The following DCHS2 variants were observed in gnomAD, a reference collection of about 807,000 sequenced individuals.
DCHS2 encodes the protein dachsous cadherin-related 2.
A neutral mutation model predicts 182.4 loss-of-function variants in DCHS2; 142 were observed. The observed-to-expected ratio is 0.78, with a 90% CI of 0.68 to 0.89. DCHS2 has a LOEUF of 0.89. DCHS2 is among the 40% of genes least tolerant of loss of function. The pLI is 0.00. For synonymous variants in DCHS2, 1,740 were observed against 1,663.3 expected (o/e 1.05, Z -1.12); for missense variants, 4,319 against 4,198.6 (o/e 1.03, Z -0.79).
In DCHS2 at chr4:154,242,680, G is replaced by A. The variant is rs775122805; in HGVS notation, c.7034C>T (p.Pro2345Leu). 5 of 1,612,804 alleles carry A rather than the reference G, an allele frequency of 3.1e-6. No homozygotes were observed. The highest frequency in any genetic ancestry group is 3.4e-6 in the Non-Finnish European group (4 of 1,179,312). Residue 2345 changes from proline to leucine, a missense_variant, in exon 17 of 20, where the codon CCA becomes CTA. Transcript: ENST00000357232. ...CACTGCTTCAGAGGGGAGAAAAGCT[G>A]GGGCATTGTCATTTATATCAGTCAC... is the stretch of plus-strand genomic sequence containing the variant. ...VQVTDINDNAPAFLPSEAVEI... is the reference protein window; with the variant it reads ...VQVTDINDNALAFLPSEAVEI...
intron 1 of DCHS2, among the ~76,000 whole-genome samples, chr4:154,396,411 G>A (rs756809817): frequency 6.6e-6 from 1 of 152,080 alleles, no homozygotes; most frequent in Admixed American, 6.6e-5. Context: ...ATGCAAGGGT[G>A]GAGTATGAAT....
chr4:154,255,460 A>G lies in DCHS2; in HGVS notation c.6941+59T>C, dbSNP rs896353965. On this transcript the variant is annotated intron_variant, in intron 16 of 19. Coordinates refer to ENST00000357232, the MANE Select transcript of DCHS2 (RefSeq NM_001358235.2). The stretch of plus-strand genomic sequence containing the variant: ...AACAGGAAGTTATGAACAAAACAGC[A>G]ATGTTGTCAGTAAGCAGGCAGAATA... 5.9e-5 allele frequency: 91 copies of G among 1,553,164 alleles called. 1 individual carries two copies. Among genetic ancestry groups the G allele is most frequent in the Middle Eastern group, 5.1e-4 (3 of 5,832 alleles).
At chr4:154,403,136 A>T (rs1260259152) in intron 1 of DCHS2, among the ~76,000 whole-genome samples, 1 of 152,052 alleles carries the variant, frequency 6.6e-6, no homozygotes, top group African/African-American at 2.4e-5. Flanking sequence ...TATCCTTTCC[A>T]ATATTTTGCC....
intron 3 of DCHS2, among the ~76,000 whole-genome samples, chr4:154,356,868 T>C (rs889159975): frequency 6.6e-6 from 1 of 152,122 alleles, no homozygotes; most frequent in Non-Finnish European, 1.5e-5. Context: ...TAAAATTAAA[T>C]ATAAAGGACC....
At chr4:154,324,968 A>T (rs11734237) in intron 7 of DCHS2, among the ~76,000 whole-genome samples, 40,727 of 152,122 alleles carry the variant, frequency 0.27, 6,473 homozygotes, top group South Asian at 0.36. Context: ...GATAAAAAAT[A>T]AAGATGGGAA....
intron 3 of DCHS2, among the ~76,000 whole-genome samples, chr4:154,365,902 C>G (rs949552009): frequency 2.0e-5 from 3 of 151,796 alleles, no homozygotes; most frequent in African/African-American, 7.3e-5. Flanking sequence ...CCCACCTCGG[C>G]CCCCCAAAGT....
At chr4:154,261,299 A>G (rs1357255694) in intron 14 of DCHS2, among the ~76,000 whole-genome samples, 2 of 152,248 alleles carry the variant, frequency 1.3e-5, no homozygotes, top group African/African-American at 2.4e-5. Flanking sequence ...AGCAAGTGAC[A>G]TAACGCATAT....
At chr4:154,331,445 T>C in intron 5 of DCHS2, 1 of 842,474 alleles carries the variant, frequency 1.2e-6, no homozygotes, top group Non-Finnish European at 1.7e-6. Flanking sequence ...AGCAGGGTCA[T>C]CCCATATAGC....
At chr4:154,308,244 T>A (rs1735528183) in intron 10 of DCHS2, among the ~76,000 whole-genome samples, 1 of 149,704 alleles carries the variant, frequency 6.7e-6, no homozygotes, top group Admixed American at 6.7e-5. Flanking sequence ...CATATATGGC[T>A]GACCAATTTA....
chr4:154,397,324 T>G (rs1388089), intron 1 of DCHS2, among the ~76,000 whole-genome samples: 107,694 of 152,080 alleles, frequency 0.71, 39,899 homozygotes, highest in Admixed American at 0.81. Flanking sequence ...CTCTATTTCT[T>G]TTCTTAACTT....
At chr4:154,396,117 T>C (rs1467913106) in intron 1 of DCHS2, among the ~76,000 whole-genome samples, 2 of 152,202 alleles carry the variant, frequency 1.3e-5, no homozygotes, top group African/African-American at 4.8e-5. Context: ...TTTTCAGATC[T>C]GGTCTGCCTT....
At chr4:154,291,172 C>G (rs1352284999) in intron 13 of DCHS2, among the ~76,000 whole-genome samples, 1 of 151,884 alleles carries the variant, frequency 6.6e-6, no homozygotes, top group Non-Finnish European at 1.5e-5. Context: ...AAATGGCAAA[C>G]AGGTATAAGA....
intron 3 of DCHS2, among the ~76,000 whole-genome samples, chr4:154,363,231 A>G (rs1328746705): frequency 6.6e-6 from 1 of 152,202 alleles, no homozygotes; most frequent in Non-Finnish European, 1.5e-5. Flanking sequence ...CAAAGGAAAA[A>G]AAATCAGTAT....
At chr4:154,387,280 T>C (rs2110836680) in intron 1 of DCHS2, among the ~76,000 whole-genome samples, 1 of 152,282 alleles carries the variant, frequency 6.6e-6, no homozygotes. Context: ...CAGTGGGGTT[T>C]AGGGGAATGG....
In DCHS2 at chr4:154,334,890, T is replaced by C. The variant is rs146601851; in HGVS notation, c.2691A>G (p.Thr897=). 2.5e-5 allele frequency: 41 copies of C among 1,613,838 alleles called. No individual in the cohort carries two copies. In the African/African-American group the frequency reaches 4.7e-4, roughly 18 times the overall value. ...TACTCAAGGGCTCTCTTGCTTTCACTGTTCCAATGGGACTATCTTCAGGCA... is the reference window on the plus strand; with the variant it reads ...TACTCAAGGGCTCTCTTGCTTTCACCGTTCCAATGGGACTATCTTCAGGCA... ...EDVPEDSPIG[T]VKAREPLNSS... is the part of the protein sequence containing the mutation. Residue 897 remains threonine (T), a synonymous_variant, in exon 4 of 20, where the codon ACA becomes ACG. Transcript: ENST00000357232.
chr4:154,415,789 G>C (rs947822313), intron 1 of DCHS2, among the ~76,000 whole-genome samples: 1 of 152,062 alleles, frequency 6.6e-6, no homozygotes, highest in Admixed American at 6.5e-5. Context: ...TCCACCCAGA[G>C]GTCTCCAAAA....
intron 2 of DCHS2, among the ~76,000 whole-genome samples, chr4:154,371,963 CA>C (rs1354020520): frequency 6.6e-6 from 1 of 152,124 alleles, no homozygotes; most frequent in Non-Finnish European, 1.5e-5. Flanking sequence ...TTTGATGGGA[CA>C]CAGATCCAAA....
intron 3 of DCHS2, among the ~76,000 whole-genome samples, chr4:154,340,056 T>C (rs1728992322): frequency 6.6e-6 from 1 of 152,168 alleles, no homozygotes; most frequent in Admixed American, 6.5e-5. Flanking sequence ...TTAAAGATAT[T>C]CAGAAAAAGA....
intron 4 of DCHS2, 56 bp from the exon 5 acceptor site, chr4:154,333,550 A>G: frequency 6.7e-7 from 1 of 1,494,454 alleles, no homozygotes; most frequent in Non-Finnish European, 9.0e-7. Flanking sequence ...CCCACTGGAA[A>G]CTCAGAAATT....
Sources: gnomAD v4.1 joint callset for allele counts (sites outside exome capture counted in the v4.1 genomes callset) on GRCh38, gnomAD v4.1.1 for gene constraint, MANE v1.5 for transcripts, NCBI Gene and HGNC (gene_info 2026-07-23, HGNC 2026-07-21) for gene names.